Variants in CCL18 observed in about 807,000 individuals in gnomAD.
CCL18 encodes the protein C-C motif chemokine 18.
Under a neutral mutation model 8.0 loss-of-function variants are expected in CCL18, and 7 were observed. The observed-to-expected ratio is 0.87, with a 90% CI of 0.50 to 1.64. The LOEUF is 1.64. Among genes scored for constraint, CCL18 ranks in the 40% most tolerant of loss-of-function variants. The pLI, the probability that CCL18 is intolerant of heterozygous loss-of-function variation, is 0.00. For synonymous variants in CCL18, 35 were observed against 41.3 expected (o/e 0.85, Z 0.59); for missense variants, 95 against 107.8 (o/e 0.88, Z 0.52).
At chr17:36,066,286 C>T (rs1203143671) in intron 1 of CCL18, among the ~76,000 whole-genome samples, 18 of 152,170 alleles carry the variant, frequency 1.2e-4, no homozygotes, top group Admixed American at 1.2e-3. Flanking sequence ...AAGAGAGTCT[C>T]ACGGGACAGA....
intron 1 of CCL18, among the ~76,000 whole-genome samples, chr17:36,065,956 G>C (rs538700630): frequency 6.6e-6 from 1 of 152,280 alleles, no homozygotes; most frequent in South Asian, 2.1e-4. Context: ...CGCTGTAGGA[G>C]TAGAGCTTCT....
rs558031922 is a variant in CCL18, at chr17:36,064,348, G to A, written c.6G>A (p.Lys2=). Residue 2 remains lysine (K), a synonymous_variant, in exon 1 of 3, where the codon AAG becomes AAA. Coordinates refer to ENST00000616054, the MANE Select transcript of CCL18 (RefSeq NM_002988.4). M[K]GLAAALLVLV... is the part of the protein sequence containing the mutation. ...TTCTCTGCCTGCCCAGCATCATGAA[G>A]GGCCTTGCAGCTGCCCTCCTTGTCC... 10 of 1,613,926 alleles carry A rather than the reference G, an allele frequency of 6.2e-6. No homozygotes were observed. The Middle Eastern group carries it at 1.2e-3, about 186-fold the overall frequency.
intron 1 of CCL18, 49 bp downstream of exon 1, chr17:36,064,458 G>A (rs372574777): frequency 2.8e-6 from 4 of 1,449,042 alleles, no homozygotes; most frequent in East Asian, 4.6e-5. Flanking sequence ...CAGAAGTCAG[G>A]CGACATCTTC....
chr17:36,071,099 C>A lies in CCL18; in HGVS notation c.*58C>A. The A allele has an allele frequency of 7.9e-7, 1 of 1,269,712 alleles. No individual in the cohort carries two copies. The highest frequency in any genetic ancestry group is 1.1e-6 in the Non-Finnish European group (1 of 882,192). The allele number at this position is 1,269,712 out of a possible 1,614,324, so 78.7% of individuals were successfully genotyped here. A position where few individuals can be genotyped will look rare whatever the true frequency, so the allele number is the denominator to read the frequency against. ...TGGTGGGCCCAGGAGGGAACAGGAG[C>A]CTGAGCCAGGGCAATGGCCCTGCCA... On this transcript the variant is annotated 3_prime_UTR_variant, in exon 3 of 3. Coordinates refer to ENST00000616054, the MANE Select transcript of CCL18 (RefSeq NM_002988.4).
chr17:36,071,281 G>T lies in CCL18; in HGVS notation c.*240G>T. ...ATTTTCTCTGACATCTCATGACATTGTCTTTATCATCCTTTCCCCTTTCCC... is the reference window on the plus strand; with the variant it reads ...ATTTTCTCTGACATCTCATGACATTTTCTTTATCATCCTTTCCCCTTTCCC... On this transcript the variant is annotated 3_prime_UTR_variant, in exon 3 of 3. Coordinates refer to ENST00000616054, the MANE Select transcript of CCL18 (RefSeq NM_002988.4). 1 of 508,598 alleles carries T rather than the reference G, an allele frequency of 2.0e-6. No individual in the cohort carries two copies. The highest frequency in any genetic ancestry group is 3.0e-5 in the South Asian group (1 of 33,716). 31.5% of individuals were successfully genotyped at this position (508,598 alleles called of 1,614,324 possible).
At chr17:36,069,837 G>A (rs1348935348) in intron 1 of CCL18, among the ~76,000 whole-genome samples, 1 of 152,216 alleles carries the variant, frequency 6.6e-6, no homozygotes, top group Non-Finnish European at 1.5e-5. Context: ...TGTCCCTTGT[G>A]TGAATTTGTC....
intron 1 of CCL18, among the ~76,000 whole-genome samples, chr17:36,069,615 C>T (rs2066855341): frequency 6.6e-6 from 1 of 152,198 alleles, no homozygotes; most frequent in African/African-American, 2.4e-5. Context: ...AATTCCTCCT[C>T]AGTCTCCCCA....
chr17:36,068,379 A>G lies in CCL18; in HGVS notation c.68-2068A>G, dbSNP rs181656014. 1.2e-4 allele frequency among the ~76,000 whole-genome samples: 19 copies of G among 152,238 alleles called. No individual in the cohort carries two copies. The East Asian group carries it at 3.1e-3, about 25-fold the overall frequency. ...GGTACTAGAATTTTTCCTACCTTCA[A>G]TGAAATTTTTTTTTCAGGTTTTGCA... On this transcript the variant is annotated intron_variant, in intron 1 of 2. Transcript: ENST00000616054.
intron 1 of CCL18, among the ~76,000 whole-genome samples, chr17:36,066,656 G>GA (rs1368984317): frequency 6.6e-6 from 1 of 152,198 alleles, no homozygotes; most frequent in South Asian, 2.1e-4. Context: ...GAGAGAGGGT[G>GA]AGATGTTAGT....
chr17:36,071,116 G>A lies in CCL18; in HGVS notation c.*75G>A, dbSNP rs951050082. 6 of 980,088 alleles carry A rather than the reference G, an allele frequency of 6.1e-6. No individual in the cohort carries two copies. Among genetic ancestry groups the A allele is most frequent in the East Asian group, 2.4e-5 (1 of 41,338 alleles). 60.7% of individuals were successfully genotyped at this position (980,088 alleles called of 1,614,324 possible). On this transcript the variant is annotated 3_prime_UTR_variant, in exon 3 of 3. Coordinates refer to ENST00000616054, the MANE Select transcript of CCL18 (RefSeq NM_002988.4). ...AACAGGAGCCTGAGCCAGGGCAATG[G>A]CCCTGCCACCCTGGAGGCTACCTCT...
chr17:36,068,028 T>C (rs1213117879), intron 1 of CCL18, among the ~76,000 whole-genome samples: 2 of 152,208 alleles, frequency 1.3e-5, no homozygotes, highest in African/African-American at 4.8e-5. Context: ...GCCTAGGAGC[T>C]ACAGGCTGTA....
intron 1 of CCL18, among the ~76,000 whole-genome samples, chr17:36,069,422 C>T (rs1023610513): frequency 6.6e-6 from 1 of 152,028 alleles, no homozygotes; most frequent in Non-Finnish European, 1.5e-5. Context: ...AGCATGACAC[C>T]AGTATCATGA....
chr17:36,071,050 G>C lies in CCL18; in HGVS notation c.*9G>C. The C allele has an allele frequency of 6.2e-7, 1 of 1,602,118 alleles. No individual in the cohort carries two copies. Among genetic ancestry groups the C allele is most frequent in the African/African-American group, 1.3e-5 (1 of 74,768 alleles). ...TGAAGCTGAATGCCTGAGGGGCCTG[G>C]AAGCTGCGAGGGCCCAGTGAACTTG... On this transcript the variant is annotated 3_prime_UTR_variant, in exon 3 of 3. Transcript: ENST00000616054.
rs1334234822 is a variant in CCL18, at chr17:36,064,541, T to C, written c.67+132T>C. The stretch of plus-strand genomic sequence containing the variant: ...ATGGGGTTTCAAAGTGACATCATTG[T>C]TTTCTTCAAGAAGGTTGAAAAGCAG... On this transcript the variant is annotated intron_variant, in intron 1 of 2. Transcript: ENST00000616054. 8 of 692,108 alleles carry C rather than the reference T, an allele frequency of 1.2e-5. No individual in the cohort carries two copies. In the East Asian group the frequency reaches 1.8e-4, roughly 16 times the overall value. The allele number at this position is 692,108 out of a possible 1,614,324, so 42.9% of individuals were successfully genotyped here. A position where few individuals can be genotyped will look rare whatever the true frequency, so the allele number is the denominator to read the frequency against.
intron 1 of CCL18, among the ~76,000 whole-genome samples, chr17:36,066,893 C>T (rs765283438): frequency 1.4e-4 from 21 of 152,202 alleles, no homozygotes; most frequent in Non-Finnish European, 2.1e-4. Flanking sequence ...ATGAGGAGGA[C>T]GTCAAGAATT....
At chr17:36,065,952 A>G (rs779508050) in intron 1 of CCL18, among the ~76,000 whole-genome samples, 2 of 152,172 alleles carry the variant, frequency 1.3e-5, no homozygotes, top group Non-Finnish European at 2.9e-5. Flanking sequence ...AAATCGCTGT[A>G]GGAGTAGAGC....
At chr17:36,070,663 C>G in intron 2 of CCL18, 105 bp downstream of exon 2, 1 of 735,134 alleles carries the variant, frequency 1.4e-6, no homozygotes, top group South Asian at 1.7e-5. Context: ...AGGTAAAGGA[C>G]TCCAGGGGAG....
chr17:36,064,905 A>G (rs1391509000), intron 1 of CCL18, among the ~76,000 whole-genome samples: 14 of 152,226 alleles, frequency 9.2e-5, no homozygotes, highest in Admixed American at 8.5e-4. Context: ...AGACAAGACT[A>G]GGGAAATTAA....
rs766826506 is a variant in CCL18 at position 36,070,447 on chromosome 17, T to C, written c.68T>C (p.Val23Ala). Residue 23 changes from valine to alanine, a missense_variant and splice_region_variant, in exon 2 of 3, where the codon GTT (valine) becomes GCT (alanine). By Grantham distance (64) the Val-to-Ala change is moderately conservative (BLOSUM62 0). Transcript: ENST00000616054. The stretch of plus-strand genomic sequence containing the variant: ...GATCTTTCTGTCCTGTCTCTTGCAG[T>C]TGGTACCAACAAAGAGCTCTGCTGC... ...CTMALCSCAQ[V>A]GTNKELCCLV... 1.3e-6 allele frequency: 2 copies of C among 1,588,944 alleles called. No individual in the cohort carries two copies. The highest frequency in any genetic ancestry group is 2.7e-5 in the African/African-American group (2 of 74,518).
Sources: gnomAD v4.1 joint callset for allele counts (sites outside exome capture counted in the v4.1 genomes callset) on GRCh38, gnomAD v4.1.1 for gene constraint, MANE v1.5 for transcripts, NCBI Gene and HGNC (gene_info 2026-07-23, HGNC 2026-07-21) for gene names.